PARVB: variants seen among roughly 807,000 people sequenced by gnomAD.
The protein encoded by PARVB is beta-parvin.
A neutral mutation model predicts 47.0 loss-of-function variants in PARVB; 46 were observed. The ratio of observed to expected loss-of-function variants is 0.98; its 90% CI spans 0.77 to 1.25. The LOEUF (loss-of-function observed/expected upper bound fraction) is 1.25, where lower values mean the gene tolerates loss of function less well. PARVB is among the 50% of genes most tolerant of loss of function. The pLI, the probability that PARVB is intolerant of heterozygous loss-of-function variation, is 0.00. For synonymous variants in PARVB, 196 were observed against 196.3 expected, an observed-to-expected ratio of 1.00 and a Z score of 0.01; for missense variants, 473 against 471.6, an observed-to-expected ratio of 1.00 and a Z score of -0.03.
chr22:44,049,012 G>T lies in PARVB; in HGVS notation c.112+24561G>T, dbSNP rs758514846. Among the ~76,000 whole-genome samples, 6 of 152,226 alleles carry T rather than the reference G, an allele frequency of 3.9e-5. No individual in the cohort carries two copies. Among genetic ancestry groups the T allele is most frequent in the Non-Finnish European group, 8.8e-5 (6 of 68,052 alleles). On this transcript the variant is annotated intron_variant, in intron 1 of 12. Transcript: ENST00000338758. The surrounding 1 kb of genome is among the most constrained non-coding windows in gnomAD (Gnocchi z 4.0). Reference sequence around the variant, plus strand: ...GCCTATTTCACTCCATTTTGCCGAGGAGGGAACAGAAGTGTGGAGTCCTCC... The same window carrying T: ...GCCTATTTCACTCCATTTTGCCGAGTAGGGAACAGAAGTGTGGAGTCCTCC...
intron 3 of PARVB, chr22:44,104,042 G>C (rs1306251987): frequency 6.6e-6 from 1 of 152,228 alleles, no homozygotes; most frequent in Non-Finnish European, 1.5e-5. Context: ...ACACCATCCT[G>C]TTCTCCAGGC....
chr22:44,059,001 G>C (rs2051369211), intron 1 of PARVB, among the ~76,000 whole-genome samples: 1 of 147,434 alleles, frequency 6.8e-6, no homozygotes, highest in Admixed American at 6.8e-5. Flanking sequence ...AACAGAAGCA[G>C]AGTTGATTGT....
chr22:44,007,121 G>T (rs1034332928), intron 2 of PARVB, among the ~76,000 whole-genome samples: 1 of 152,214 alleles, frequency 6.6e-6, no homozygotes, highest in African/African-American at 2.4e-5. Flanking sequence ...TCAACCGTTT[G>T]GGGGACAGCG....
intron 8 of PARVB, chr22:44,142,957 G>T (rs2147191928): frequency 6.6e-6 from 1 of 152,386 alleles, no homozygotes; most frequent in African/African-American, 2.4e-5. Context: ...CCCTGTGGGG[G>T]CAGCAGCACG....
intron 2 of PARVB, among the ~76,000 whole-genome samples, chr22:44,003,892 C>A (rs1193151272): frequency 6.6e-6 from 1 of 152,210 alleles, no homozygotes; most frequent in East Asian, 1.9e-4. Context: ...CCTCCGATGT[C>A]CCCTTCCCTG....
chr22:44,076,726 C>T (rs1207873644), intron 1 of PARVB, among the ~76,000 whole-genome samples: 2 of 152,038 alleles, frequency 1.3e-5, no homozygotes, highest in Non-Finnish European at 2.9e-5. Context: ...AGCCAGGGTG[C>T]CTGCCCCTTT....
At chr22:44,168,239 G>A (rs976211488) in intron 12 of PARVB, 2 of 199,630 alleles carry the variant, frequency 1.0e-5, no homozygotes, top group Admixed American at 5.3e-5. Context: ...GGGAGCTGTC[G>A]GGTCCATTAA....
At chr22:44,018,777 A>G (rs114105482) in intron 2 of PARVB, among the ~76,000 whole-genome samples, 2,323 of 151,992 alleles carry the variant, frequency 0.015, 67 homozygotes, top group African/African-American at 0.054. Flanking sequence ...AGTCCTTTCC[A>G]TCGCCCCCGT....
intron 7 of PARVB, 108 bp downstream of exon 7, chr22:44,136,626 T>C (rs2053448641): frequency 1.2e-6 from 1 of 832,348 alleles, no homozygotes; most frequent in Non-Finnish European, 2.1e-6. Flanking sequence ...CTGCTCCCGC[T>C]CCACACCCCT....
Position 44,155,067 on chromosome 22 carries a change from AGTCTGTGTGGTGTGTGTGTGGTG to A in PARVB, c.844-2914_844-2892del. The stretch of plus-strand genomic sequence containing the variant: ...GTGTGTGTGTGTGTGTGGTTTTTGT[AGTCTGTGTGGTGTGTGTGTGGTG>A]TAGGTGTGTGTTTTCCCTCCTTTTC... On this transcript the variant is annotated intron_variant, in intron 10 of 12. Transcript: ENST00000338758. The surrounding 1 kb of genome is among the most constrained non-coding windows in gnomAD (Gnocchi z 4.8). Among the ~76,000 whole-genome samples, 1 of 136,910 alleles carries A rather than the reference AGTCTGTGTGGTGTGTGTGTGGTG, an allele frequency of 7.3e-6. No homozygotes were observed. The highest frequency in any genetic ancestry group is 1.5e-5 in the Non-Finnish European group (1 of 65,492). 89.8% of individuals were successfully genotyped at this position (136,910 alleles called of 152,430 possible). A position where few individuals can be genotyped will look rare whatever the true frequency, so the allele number is the denominator to read the frequency against.
At chr22:44,092,940 G>C (rs923930945) in intron 1 of PARVB, among the ~76,000 whole-genome samples, 4 of 152,240 alleles carry the variant, frequency 2.6e-5, no homozygotes, top group African/African-American at 4.8e-5. Context: ...CCTGTTTCAT[G>C]GAGAAAGAGG....
chr22:44,091,673 A>G (rs62226429), intron 1 of PARVB, among the ~76,000 whole-genome samples: 5,963 of 152,236 alleles, frequency 0.039, 166 homozygotes, highest in African/African-American at 0.077. Flanking sequence ...TTAGGGCTAG[A>G]TAATATTCCG....
intron 2 of PARVB, among the ~76,000 whole-genome samples, chr22:44,011,686 C>A (rs887843453): frequency 6.6e-6 from 1 of 151,918 alleles, no homozygotes; most frequent in African/African-American, 2.4e-5. Flanking sequence ...TCTGTCTGGC[C>A]CCTTACACAC....
chr22:44,051,582 G>A (rs1415989142), intron 1 of PARVB, among the ~76,000 whole-genome samples: 1 of 152,150 alleles, frequency 6.6e-6, no homozygotes, highest in Non-Finnish European at 1.5e-5. Context: ...TCCTGTTGTC[G>A]GCGCTGTGTG....
chr22:44,006,610 C>A (rs1476829860), intron 2 of PARVB, among the ~76,000 whole-genome samples: 1 of 152,074 alleles, frequency 6.6e-6, no homozygotes, highest in East Asian at 1.9e-4. Flanking sequence ...GGTGACAGAG[C>A]GAGACTACAT....
rs541403207 is a variant in PARVB, at chr22:44,156,485, G to T, written c.844-1497G>T. Reference sequence around the variant, plus strand: ...CTAGAGACGGGGTTTCACCCTGTTGGTCAGGCTGGTCTTGAACTCCTGACC... The same window carrying T: ...CTAGAGACGGGGTTTCACCCTGTTGTTCAGGCTGGTCTTGAACTCCTGACC... On this transcript the variant is annotated intron_variant, in intron 10 of 12. Coordinates refer to ENST00000338758, the MANE Select transcript of PARVB (RefSeq NM_013327.5). Among the ~76,000 whole-genome samples the T allele has an allele frequency of 2.0e-5, 3 of 152,160 alleles. No individual in the cohort carries two copies. In the East Asian group the frequency reaches 5.8e-4, roughly 30 times the overall value.
intron 8 of PARVB, 189 bp downstream of exon 8, chr22:44,140,332 A>G: frequency 1.4e-6 from 1 of 722,990 alleles, no homozygotes; most frequent in Non-Finnish European, 2.5e-6. Flanking sequence ...CTTGTTTCTC[A>G]GAGCTGAGAG....
intron 1 of PARVB, among the ~76,000 whole-genome samples, chr22:44,044,469 C>T (rs369444362): frequency 1.7e-3 from 258 of 152,058 alleles, no homozygotes; most frequent in Non-Finnish European, 3.1e-3. Flanking sequence ...GGATTACAGG[C>T]GTGAGCCACC....
intron 1 of PARVB, among the ~76,000 whole-genome samples, chr22:44,085,621 T>A (rs1278698285): frequency 6.6e-6 from 1 of 152,246 alleles, no homozygotes; most frequent in Non-Finnish European, 1.5e-5. Context: ...CTTTTGCTTT[T>A]TTAAAAAATC....
Sources: allele counts gnomAD v4.1 joint callset (sites outside exome capture counted in the v4.1 genomes callset), GRCh38; gene constraint gnomAD v4.1.1; non-coding constraint Gnocchi (gnomAD v3.1); transcripts MANE v1.5; gene names NCBI Gene and HGNC (gene_info 2026-07-23, HGNC 2026-07-21).